MREG: variants seen among roughly 807,000 people sequenced by gnomAD.
The protein encoded by MREG is dilute suppressor protein homolog.
Under a neutral mutation model 28.5 loss-of-function variants are expected in MREG, and 31 were observed. The ratio of observed to expected loss-of-function variants is 1.09; its 90% confidence interval spans 0.82 to 1.47. MREG has a LOEUF of 1.47. Ranked by LOEUF, MREG falls within the 40% of genes most tolerant of loss-of-function variation. The probability of loss-of-function intolerance (pLI) is 0.00; values close to 1 mark genes in which losing one functional copy is unlikely to be tolerated. For synonymous variants in MREG, 106 were observed against 95.2 expected (o/e 1.11, Z -0.66); for missense variants, 256 against 257.4 (o/e 0.99, Z 0.04).
At chr2:216,032,024 G>T (rs1694718340) in intron 1 of MREG, among the ~76,000 whole-genome samples, 1 of 152,218 alleles carries the variant, frequency 6.6e-6, no homozygotes, top group Non-Finnish European at 1.5e-5. Context: ...AGAACAGGAA[G>T]CCAGACATCT....
intron 1 of MREG, among the ~76,000 whole-genome samples, chr2:216,031,483 A>AAGAG (rs1694695745): frequency 7.4e-6 from 1 of 135,424 alleles, no homozygotes; most frequent in Non-Finnish European, 1.6e-5. Context: ...AAGAGAAAGA[A>AAGAG]AGAAAGAAAG....
At chr2:215,941,275 G>A (rs1692194051), downstream of MREG, among the ~76,000 whole-genome samples, 1 of 152,230 alleles carries the variant, frequency 6.6e-6, no homozygotes, top group Non-Finnish European at 1.5e-5. Flanking sequence ...CAGGGACAGG[G>A]AGTCTAAGTA....
Position 215,996,397 on chromosome 2 carries a change from A to G in MREG, c.164T>C (p.Met55Thr), listed in dbSNP as rs1008758634. 12 of 1,613,788 alleles carry G rather than the reference A, an allele frequency of 7.4e-6. No homozygotes were observed. The highest frequency in any genetic ancestry group is 1.1e-5 in the South Asian group (1 of 91,080). The change falls in exon 2 of 5, where the codon ATG (methionine) becomes ACG (threonine). Residue 55 changes from methionine to threonine, a missense_variant. Transcript: ENST00000263268. ...CTCTGTGTGGGACACATCATGGGGCATACTCCATAAATTCTTCTCATCATC... is the reference window on the plus strand; with the variant it reads ...CTCTGTGTGGGACACATCATGGGGCGTACTCCATAAATTCTTCTCATCATC... ...VRDDEKNLWS[M>T]PHDVSHTEAD... is the part of the protein sequence containing the mutation.
chr2:215,974,845 C>CAA (rs1693202426), intron 2 of MREG, among the ~76,000 whole-genome samples: 1 of 145,896 alleles, frequency 6.9e-6, no homozygotes, highest in Non-Finnish European at 1.5e-5. Flanking sequence ...CACACACACA[C>CAA]ACACACACTC....
At chr2:216,023,181 T>C (rs540682931) in intron 1 of MREG, among the ~76,000 whole-genome samples, 2 of 152,318 alleles carry the variant, frequency 1.3e-5, no homozygotes, top group South Asian at 4.1e-4. Flanking sequence ...ATACAAACCT[T>C]AGACTTCCCC....
At chr2:215,998,043 G>A (rs148302561) in intron 1 of MREG, among the ~76,000 whole-genome samples, 2,144 of 152,192 alleles carry the variant, frequency 0.014, 51 homozygotes, top group African/African-American at 0.05. Flanking sequence ...GGTGGCTCAC[G>A]CCTGTGATCC....
At chr2:215,998,723 C>T (rs1325524462) in intron 1 of MREG, among the ~76,000 whole-genome samples, 2 of 152,166 alleles carry the variant, frequency 1.3e-5, no homozygotes, top group Non-Finnish European at 2.9e-5. Flanking sequence ...GGGCCCTGCC[C>T]ATGTGAACTT....
upstream of MREG, among the ~76,000 whole-genome samples, chr2:216,017,466 G>A (rs1394958451): frequency 1.3e-5 from 2 of 152,154 alleles, no homozygotes; most frequent in Admixed American, 1.3e-4. Flanking sequence ...ATCACATTTT[G>A]ACAATCCTAT....
chr2:216,005,695 C>T (rs1694134923), intron 1 of MREG, among the ~76,000 whole-genome samples: 1 of 152,028 alleles, frequency 6.6e-6, no homozygotes, highest in South Asian at 2.1e-4. Flanking sequence ...TCAAGTGATG[C>T]ACCTGCCTCG....
At chr2:215,987,772 G>T (rs913631027) in intron 2 of MREG, among the ~76,000 whole-genome samples, 3 of 151,998 alleles carry the variant, frequency 2.0e-5, no homozygotes, top group African/African-American at 7.2e-5. Context: ...GTGTGGTGGC[G>T]CATGCCTGTA....
chr2:216,000,331 C>A (rs1048344264), intron 1 of MREG, among the ~76,000 whole-genome samples: 1 of 152,080 alleles, frequency 6.6e-6, no homozygotes. Context: ...AATGCTGTGA[C>A]AGGGATGCAC....
chr2:215,965,787 C>T (rs1692923183), intron 2 of MREG, among the ~76,000 whole-genome samples: 1 of 152,000 alleles, frequency 6.6e-6, no homozygotes, highest in Non-Finnish European at 1.5e-5. Context: ...CATTCATTGA[C>T]CTAAAGGGAG....
intron 1 of MREG, among the ~76,000 whole-genome samples, chr2:216,006,982 G>A (rs756250477): frequency 6.6e-5 from 10 of 152,134 alleles, no homozygotes; most frequent in Non-Finnish European, 1.0e-4. Context: ...CACACACCAC[G>A]TAAGCAGCTA....
At chr2:216,022,654 A>G (rs530964190) in intron 1 of MREG, among the ~76,000 whole-genome samples, 75 of 152,194 alleles carry the variant, frequency 4.9e-4, no homozygotes, top group Non-Finnish European at 8.5e-4. Context: ...TTTGGAATTC[A>G]ACCTCTTCCT....
chr2:215,984,216 T>C (rs527369122), intron 2 of MREG, among the ~76,000 whole-genome samples: 18 of 152,238 alleles, frequency 1.2e-4, no homozygotes, highest in African/African-American at 4.3e-4. Flanking sequence ...TTATTCACTA[T>C]CAAGAGAACA....
In MREG at chr2:215,954,626, T is replaced by C. The variant is rs376521338; in HGVS notation, c.256-7513A>G. 3.7e-4 allele frequency among the ~76,000 whole-genome samples: 56 copies of C among 152,150 alleles called. 5 individuals carry two copies. The highest frequency in any genetic ancestry group is 1.3e-3 in the African/African-American group (54 of 41,530). On this transcript the variant is annotated intron_variant, in intron 2 of 4. Coordinates refer to ENST00000263268, the MANE Select transcript of MREG (RefSeq NM_018000.3). ...CGAATTCCAAAGCCCACAGACTCTA[T>C]AAAAAAGAAGAAACAGAAAAGAATG...
intron 1 of MREG, among the ~76,000 whole-genome samples, chr2:216,008,142 A>C (rs1835145): frequency 0.2 from 30,390 of 150,738 alleles, 3,256 homozygotes; most frequent in Non-Finnish European, 0.25. Flanking sequence ...ACAGATATAG[A>C]AGAAATGGTT....
chr2:216,031,668 AAAGAAAGAAAGAAAGAAAGAAAG>A (rs1559204061), intron 1 of MREG, among the ~76,000 whole-genome samples: 27 of 79,544 alleles, frequency 3.4e-4, no homozygotes, highest in African/African-American at 1.7e-3. Flanking sequence ...AGAAAGAAAG[AAAGAAAGAAAGAAAGAAAGAAAG>A]AGAAAGAAAG....
At chr2:216,031,475 G>GAAAGAGAA (rs373434476) in intron 1 of MREG, among the ~76,000 whole-genome samples, 2 of 132,816 alleles carry the variant, frequency 1.5e-5, no homozygotes, top group Admixed American at 8.1e-5. Flanking sequence ...AAGAAAGAAA[G>GAAAGAGAA]AGAAAGAAAG....
Sources: gnomAD v4.1 joint callset for allele counts (sites outside exome capture counted in the v4.1 genomes callset) on GRCh38, gnomAD v4.1.1 for gene constraint, MANE v1.5 for transcripts, NCBI Gene and HGNC (gene_info 2026-07-23, HGNC 2026-07-21) for gene names.